ARHGAP26: variants seen among roughly 807,000 people sequenced by gnomAD.
ARHGAP26 encodes the protein rho GTPase-activating protein 26.
A neutral mutation model predicts 104.8 loss-of-function variants in ARHGAP26; 38 were observed. That is an observed-to-expected ratio of 0.36 (90% CI 0.28 to 0.48). The LOEUF is 0.48. Among genes scored for constraint, ARHGAP26 ranks in the 20% least tolerant of loss-of-function variants. The pLI is 0.99. For synonymous variants in ARHGAP26, 341 were observed against 340.0 expected (o/e 1.00, Z -0.03); for missense variants, 704 against 947.9 (o/e 0.74, Z 3.38).
At chr5:143,212,713 C>T (rs900090350) in intron 21 of ARHGAP26, among the ~76,000 whole-genome samples, 1 of 152,194 alleles carries the variant, frequency 6.6e-6, no homozygotes, top group Non-Finnish European at 1.5e-5. Flanking sequence ...TCACTCTGCA[C>T]GATGGAGACC....
chr5:142,832,594 G>A lies in ARHGAP26; in HGVS notation c.155-40806G>A, dbSNP rs147413554. On this transcript the variant is annotated intron_variant, in intron 1 of 22. Coordinates refer to ENST00000645722, the MANE Select transcript of ARHGAP26 (RefSeq NM_001135608.3). ...CAAACACTTATTTCAGGTCTTTTGT[G>A]TGCCTGGCACAGGACATCTAGGGAA... Among the ~76,000 whole-genome samples the A allele has an allele frequency of 1.4e-4, 21 of 152,346 alleles. 1 individual carries two copies. The highest frequency in any genetic ancestry group is 4.1e-4 in the African/African-American group (17 of 41,580).
Position 143,177,327 on chromosome 5 carries a change from A to G in ARHGAP26, c.1989-29871A>G, listed in dbSNP as rs78220310. The stretch of plus-strand genomic sequence containing the variant: ...ATAGTGCTTGTCAAATGAAGGAATC[A>G]GCTTCTCAGGCTGCATCACGAGCCT... On this transcript the variant is annotated intron_variant, in intron 20 of 22. Coordinates refer to ENST00000645722, the MANE Select transcript of ARHGAP26 (RefSeq NM_001135608.3). Among the ~76,000 whole-genome samples the G allele has an allele frequency of 1.7e-3, 266 of 152,286 alleles. 9 individuals carry two copies. The East Asian group carries it at 0.045, about 26-fold the overall frequency.
At chr5:143,042,833 C>T (rs1783677211) in intron 14 of ARHGAP26, among the ~76,000 whole-genome samples, 1 of 152,186 alleles carries the variant, frequency 6.6e-6, no homozygotes, top group Non-Finnish European at 1.5e-5. Context: ...GAGTCATTCA[C>T]TTCTTGTAGC....
At chr5:142,928,873 C>A (rs1250014855) in intron 10 of ARHGAP26, among the ~76,000 whole-genome samples, 2 of 136,130 alleles carry the variant, frequency 1.5e-5, no homozygotes. Flanking sequence ...GTAAAAAGAG[C>A]TCTGATATTT....
At chr5:143,189,417 A>G (rs918478819) in intron 20 of ARHGAP26, among the ~76,000 whole-genome samples, 3 of 152,162 alleles carry the variant, frequency 2.0e-5, no homozygotes, top group African/African-American at 7.2e-5. Flanking sequence ...AATCCAAATT[A>G]CACCCACACA....
intron 1 of ARHGAP26, among the ~76,000 whole-genome samples, chr5:142,781,600 G>T (rs1757500878): frequency 6.6e-6 from 1 of 152,140 alleles, no homozygotes; most frequent in South Asian, 2.1e-4. Context: ...CAGGTGTCTG[G>T]GGCAGGAGGC....
intron 16 of ARHGAP26, among the ~76,000 whole-genome samples, chr5:143,057,167 C>G (rs1244450314): frequency 6.6e-6 from 1 of 152,198 alleles, no homozygotes; most frequent in African/African-American, 2.4e-5. Context: ...TCATATGTGA[C>G]TTGAGGATAC....
At chr5:142,977,089 C>G (rs926137710) in intron 11 of ARHGAP26, among the ~76,000 whole-genome samples, 4 of 152,160 alleles carry the variant, frequency 2.6e-5, no homozygotes, top group African/African-American at 9.7e-5. Flanking sequence ...CGCCCAACCA[C>G]ACAGACAGAG....
intron 1 of ARHGAP26, chr5:142,867,807 A>G (rs1754588731): frequency 6.6e-6 from 1 of 152,158 alleles, no homozygotes; most frequent in Non-Finnish European, 1.5e-5. Context: ...CCACATATAT[A>G]TCAGGCTCTA....
Position 143,134,115 on chromosome 5 carries a change from T to C in ARHGAP26, c.1837+10T>C. ...CAGTCAACAGAGAAACGTGAGTCTT[T>C]GCTGCATAGGGCCAGCGTGGCATTC... On this transcript the variant is annotated intron_variant, in intron 19 of 22. Transcript: ENST00000645722. The C allele has an allele frequency of 6.2e-7, 1 of 1,607,290 alleles. No homozygotes were observed. The highest frequency in any genetic ancestry group is 8.5e-7 in the Non-Finnish European group (1 of 1,176,200).
intron 10 of ARHGAP26, among the ~76,000 whole-genome samples, chr5:142,931,096 G>C (rs746178219): frequency 6.6e-6 from 1 of 152,174 alleles, no homozygotes; most frequent in Non-Finnish European, 1.5e-5. Flanking sequence ...TAAAGAGGAT[G>C]GTTTTAACTA....
chr5:143,202,560 G>T (rs1265367470), intron 20 of ARHGAP26: 1 of 152,126 alleles, frequency 6.6e-6, no homozygotes. Flanking sequence ...TTCCTTCACA[G>T]AATTAGAAAA....
intron 17 of ARHGAP26, among the ~76,000 whole-genome samples, chr5:143,092,554 C>A (rs1323038252): frequency 1.3e-5 from 2 of 151,904 alleles, no homozygotes; most frequent in Non-Finnish European, 2.9e-5. Context: ...CCCCCCCCCA[C>A]CTTTTTTTTT....
At chr5:143,070,506 A>C (rs1788087480) in intron 17 of ARHGAP26, among the ~76,000 whole-genome samples, 1 of 152,256 alleles carries the variant, frequency 6.6e-6, no homozygotes, top group South Asian at 2.1e-4. Flanking sequence ...ATTGAAGAGA[A>C]TACAAACAAA....
At chr5:143,170,022 T>G (rs1340189507) in intron 20 of ARHGAP26, 1 of 152,238 alleles carries the variant, frequency 6.6e-6, no homozygotes, top group Non-Finnish European at 1.5e-5. Context: ...ATCTTCCTAC[T>G]TAGCCCTGGA....
chr5:143,042,386 G>A (rs1379155224), intron 14 of ARHGAP26, among the ~76,000 whole-genome samples: 1 of 152,130 alleles, frequency 6.6e-6, no homozygotes, highest in African/African-American at 2.4e-5. Flanking sequence ...GATCCTCTTT[G>A]CTTCTAGATT....
intron 17 of ARHGAP26, among the ~76,000 whole-genome samples, chr5:143,103,565 C>T (rs1793564760): frequency 2.1e-5 from 1 of 47,044 alleles, no homozygotes; most frequent in South Asian, 4.9e-4. Context: ...GAATGTTAGA[C>T]TGGATAAAAA....
chr5:143,084,071 C>T (rs941098441), intron 17 of ARHGAP26, among the ~76,000 whole-genome samples: 3 of 152,132 alleles, frequency 2.0e-5, no homozygotes, highest in African/African-American at 7.2e-5. Flanking sequence ...CCAGCTCATC[C>T]GGATGCATTC....
At position 143,041,802 on chromosome 5, in the gene ARHGAP26, GTTTC is replaced by G. The variant is rs759610255; in HGVS notation, c.1211-9_1211-6del. ...ACGTGCCTCTAATTAAATCATCACTGTTTCTTTCCTCAGGGATCAACGAGCAAGG... is the reference window on the plus strand; with the variant it reads ...ACGTGCCTCTAATTAAATCATCACTGTTTCCTCAGGGATCAACGAGCAAGG... On this transcript the variant is annotated splice_polypyrimidine_tract_variant and intron_variant, in intron 13 of 22. Coordinates refer to ENST00000645722, the MANE Select transcript of ARHGAP26 (RefSeq NM_001135608.3). 3.1e-6 allele frequency: 5 copies of G among 1,601,744 alleles called. No individual in the cohort carries two copies. The African/African-American group carries it at 5.4e-5, about 17-fold the overall frequency.
Sources: gnomAD v4.1 joint callset for allele counts (sites outside exome capture counted in the v4.1 genomes callset) on GRCh38, gnomAD v4.1.1 for gene constraint, MANE v1.5 for transcripts, NCBI Gene and HGNC (gene_info 2026-07-23, HGNC 2026-07-21) for gene names.